Variants in CTNND2 observed in about 807,000 individuals in gnomAD.
CTNND2 encodes the protein catenin delta-2.
CTNND2 carries 22 observed loss-of-function variants against 144.4 expected under a neutral mutation model. The ratio of observed to expected loss-of-function variants is 0.15; its 90% CI spans 0.11 to 0.22. The LOEUF (loss-of-function observed/expected upper bound fraction) is 0.22. Ranked by LOEUF, CTNND2 falls within the 10% of genes least tolerant of loss-of-function variation. The probability of loss-of-function intolerance (pLI) is 1.00; values close to 1 mark genes in which losing one functional copy is unlikely to be tolerated. For synonymous variants in CTNND2, 751 were observed against 695.6 expected, an observed-to-expected ratio of 1.08 and a Z score of -1.25; for missense variants, 1,353 against 1,618.8, an observed-to-expected ratio of 0.84 and a Z score of 2.82.
At chr5:11,235,144 C>T (rs1374603009) in intron 10 of CTNND2, among the ~76,000 whole-genome samples, 1 of 152,100 alleles carries the variant, frequency 6.6e-6, no homozygotes, top group Non-Finnish European at 1.5e-5. Flanking sequence ...TTCGGCGGGG[C>T]ACTACAACAC....
At chr5:11,069,267 C>CG (rs1296084659) in intron 16 of CTNND2, among the ~76,000 whole-genome samples, 4 of 152,014 alleles carry the variant, frequency 2.6e-5, no homozygotes, top group Non-Finnish European at 4.4e-5. Context: ...GTGCCAAACT[C>CG]GGGGGGTATA....
intron 1 of CTNND2, among the ~76,000 whole-genome samples, chr5:11,880,670 T>C (rs1736001958): frequency 8.7e-6 from 1 of 115,042 alleles, no homozygotes; most frequent in Non-Finnish European, 1.8e-5. Context: ...CCACTACTAC[T>C]ACTCTACCAC....
chr5:11,442,833 TATA>T (rs1351441511), intron 3 of CTNND2, among the ~76,000 whole-genome samples: 2 of 142,440 alleles, frequency 1.4e-5, no homozygotes, highest in South Asian at 2.2e-4. Flanking sequence ...ATGATTATAT[TATA>T]ATTTTATATA....
Position 11,384,595 on chromosome 5 carries a change from GC to G in CTNND2, c.1177+69del, listed in dbSNP as rs1158308491. ...CGCGCCCGGCTTCGCTTCTGCTCAA[GC>G]CGGGCTGCTGCTTCCGCGTCCCCGC... On this transcript the variant is annotated intron_variant, in intron 7 of 21. Coordinates refer to ENST00000304623, the MANE Select transcript of CTNND2 (RefSeq NM_001332.4). The surrounding 1 kb of genome is among the most constrained non-coding windows in gnomAD (Gnocchi z 5.2). The G allele has an allele frequency of 3.4e-6, 5 of 1,452,328 alleles. No homozygotes were observed. Among genetic ancestry groups the G allele is most frequent in the Non-Finnish European group, 4.6e-6 (5 of 1,083,240 alleles). The allele number at this position is 1,452,328 out of a possible 1,614,324, so 90.0% of individuals were successfully genotyped here. A position where few individuals can be genotyped will look rare whatever the true frequency, so the allele number is the denominator to read the frequency against.
At chr5:11,674,418 T>C (rs1376965247) in intron 2 of CTNND2, among the ~76,000 whole-genome samples, 1 of 152,192 alleles carries the variant, frequency 6.6e-6, no homozygotes, top group Non-Finnish European at 1.5e-5. Context: ...TACCATGATT[T>C]CCCCTATACT....
At chr5:10,982,478 G>A (rs1249154987) in intron 20 of CTNND2, among the ~76,000 whole-genome samples, 3 of 152,210 alleles carry the variant, frequency 2.0e-5, no homozygotes, top group Non-Finnish European at 2.9e-5. Context: ...AGCTTCTGAA[G>A]GCCCAGAGAG....
intron 3 of CTNND2, among the ~76,000 whole-genome samples, chr5:11,479,039 C>T (rs1430449699): frequency 6.6e-6 from 1 of 152,082 alleles, no homozygotes; most frequent in African/African-American, 2.4e-5. Flanking sequence ...GTGCAGGTTT[C>T]TTATATAGGT....
intron 10 of CTNND2, among the ~76,000 whole-genome samples, chr5:11,213,795 G>A (rs931819885): frequency 2.0e-5 from 3 of 151,154 alleles, no homozygotes; most frequent in Admixed American, 6.6e-5. Flanking sequence ...TATGTTACAC[G>A]CATGCCGATA....
chr5:11,161,306 T>C (rs1317595724), intron 11 of CTNND2, among the ~76,000 whole-genome samples: 1 of 152,234 alleles, frequency 6.6e-6, no homozygotes, highest in Non-Finnish European at 1.5e-5. Flanking sequence ...TGTGCTTTAG[T>C]GAATTTGACC....
intron 2 of CTNND2, among the ~76,000 whole-genome samples, chr5:11,631,579 C>G (rs1781416880): frequency 1.3e-5 from 2 of 152,176 alleles, no homozygotes; most frequent in South Asian, 4.1e-4. Flanking sequence ...CGCTCACCAC[C>G]TCCAAGTATA....
At chr5:11,739,514 C>G (rs2126760263) in intron 1 of CTNND2, among the ~76,000 whole-genome samples, 1 of 152,234 alleles carries the variant, frequency 6.6e-6, no homozygotes, top group Middle Eastern at 3.4e-3. Flanking sequence ...AGCTCTATGG[C>G]CAGAAACCAC....
At chr5:11,505,775 T>C (rs1036095133) in intron 3 of CTNND2, among the ~76,000 whole-genome samples, 1 of 152,192 alleles carries the variant, frequency 6.6e-6, no homozygotes, top group Non-Finnish European at 1.5e-5. Context: ...CCAGTTTCCA[T>C]GAAGCTAATG....
At chr5:11,341,058 G>A (rs896200824) in intron 9 of CTNND2, among the ~76,000 whole-genome samples, 1 of 152,144 alleles carries the variant, frequency 6.6e-6, no homozygotes, top group Non-Finnish European at 1.5e-5. Flanking sequence ...ATACTTGCTG[G>A]TGATGTGTGA....
chr5:11,180,134 T>C (rs929313150), intron 11 of CTNND2, among the ~76,000 whole-genome samples: 3 of 152,130 alleles, frequency 2.0e-5, no homozygotes, highest in African/African-American at 7.2e-5. Flanking sequence ...GACTGCATCA[T>C]GGGGGGTGGT....
At chr5:11,329,183 T>C (rs978610112) in intron 9 of CTNND2, among the ~76,000 whole-genome samples, 1 of 152,114 alleles carries the variant, frequency 6.6e-6, no homozygotes, top group African/African-American at 2.4e-5. Flanking sequence ...TGAGACAGAG[T>C]CTTGCTCTGT....
chr5:11,264,977 T>C (rs1745294440), intron 9 of CTNND2, among the ~76,000 whole-genome samples: 1 of 152,042 alleles, frequency 6.6e-6, no homozygotes, highest in African/African-American at 2.4e-5. Flanking sequence ...ATACCTATAT[T>C]ATCTTGGCAA....
intron 9 of CTNND2, among the ~76,000 whole-genome samples, chr5:11,297,550 T>G (rs936157484): frequency 3.9e-5 from 6 of 152,206 alleles, no homozygotes; most frequent in African/African-American, 1.4e-4. Flanking sequence ...CATAAATGGT[T>G]TATGATCATA....
At chr5:11,735,726 T>G (rs1234072394) in intron 1 of CTNND2, among the ~76,000 whole-genome samples, 1 of 152,202 alleles carries the variant, frequency 6.6e-6, no homozygotes, top group Non-Finnish European at 1.5e-5. Context: ...CGTGCTCTCT[T>G]GCCTGCCACC....
chr5:11,553,560 G>A (rs1046819171), intron 3 of CTNND2, among the ~76,000 whole-genome samples: 2 of 152,100 alleles, frequency 1.3e-5, no homozygotes, highest in African/African-American at 4.8e-5. Context: ...TTTTATAGAT[G>A]AAAGAAATAA....
Sources: gnomAD v4.1 joint callset for allele counts (sites outside exome capture counted in the v4.1 genomes callset) on GRCh38, gnomAD v4.1.1 for gene constraint, Gnocchi (gnomAD v3.1) non-coding constraint, MANE v1.5 for transcripts, NCBI Gene and HGNC (gene_info 2026-07-23, HGNC 2026-07-21) for gene names.